The following XRCC4 variants were observed in gnomAD, a reference collection of about 807,000 sequenced individuals.
XRCC4 encodes X-ray repair cross complementing 4.
A neutral mutation model predicts 39.1 loss-of-function variants in XRCC4; 28 were observed. The ratio of observed to expected loss-of-function variants is 0.72; its 90% confidence interval spans 0.53 to 0.98. The LOEUF is 0.98. Among genes scored for constraint, XRCC4 ranks in the 50% least tolerant of loss-of-function variants. XRCC4 has a pLI of 0.00. For synonymous variants in XRCC4, 123 were observed against 126.4 expected (o/e 0.97, Z 0.18); for missense variants, 350 against 376.4 (o/e 0.93, Z 0.58).
intron 3 of XRCC4, among the ~76,000 whole-genome samples, chr5:83,112,185 T>A (rs1334083534): frequency 2.6e-5 from 4 of 152,184 alleles, no homozygotes; most frequent in African/African-American, 9.7e-5. Flanking sequence ...TAAGTTTCAA[T>A]ATGCTGAATT....
chr5:83,275,774 C>T (rs1754310223), intron 7 of XRCC4, among the ~76,000 whole-genome samples: 1 of 152,086 alleles, frequency 6.6e-6, no homozygotes, highest in African/African-American at 2.4e-5. Context: ...TTCTCTTCAG[C>T]AATGTGTGGA....
chr5:83,138,316 G>A (rs1024236649), intron 3 of XRCC4, among the ~76,000 whole-genome samples: 3 of 152,110 alleles, frequency 2.0e-5, no homozygotes, highest in Non-Finnish European at 2.9e-5. Context: ...TGTCAATCCA[G>A]TTTTTATAAC....
chr5:83,216,795 G>A (rs1366185759), intron 6 of XRCC4, among the ~76,000 whole-genome samples: 1 of 152,102 alleles, frequency 6.6e-6, no homozygotes, highest in African/African-American at 2.4e-5. Context: ...CCGATTAAAT[G>A]TTTGCTAAAG....
chr5:83,115,430 AAAACAAAC>A (rs145922134), intron 3 of XRCC4, among the ~76,000 whole-genome samples: 5 of 151,426 alleles, frequency 3.3e-5, no homozygotes, highest in African/African-American at 9.7e-5. Context: ...TCTGTCTCAA[AAAACAAAC>A]AAACAAACAA....
chr5:83,296,024 C>T (rs1053800818), intron 7 of XRCC4, among the ~76,000 whole-genome samples: 1 of 151,988 alleles, frequency 6.6e-6, no homozygotes, highest in African/African-American at 2.4e-5. Flanking sequence ...TGTTAATAGA[C>T]TGAAAATAGA....
chr5:83,077,580 C>T lies in XRCC4; in HGVS notation c.-46C>T, dbSNP rs28383113. 6.6e-4 allele frequency: 342 copies of T among 515,444 alleles called. No individual in the cohort carries two copies. Among genetic ancestry groups the T allele is most frequent in the African/African-American group, 4.5e-3 (236 of 52,518 alleles). The allele number at this position is 515,444 out of a possible 1,614,324, so 31.9% of individuals were successfully genotyped here. ...CAAAACCTTGATCTGTGAAAGCGGGCGTTTTGGAAGATACCGGAAGTAGAG... is the reference window on the plus strand; with the variant it reads ...CAAAACCTTGATCTGTGAAAGCGGGTGTTTTGGAAGATACCGGAAGTAGAG... On this transcript the variant is annotated 5_prime_UTR_variant, in exon 1 of 8. Coordinates refer to ENST00000396027, the MANE Select transcript of XRCC4 (RefSeq NM_003401.5).
At chr5:83,147,581 G>A (rs1467611467) in intron 3 of XRCC4, among the ~76,000 whole-genome samples, 1 of 151,974 alleles carries the variant, frequency 6.6e-6, no homozygotes, top group Non-Finnish European at 1.5e-5. Flanking sequence ...AAGAAATTTT[G>A]GTCAAAGGAT....
At chr5:83,225,465 A>G (rs1036309303) in intron 6 of XRCC4, among the ~76,000 whole-genome samples, 1 of 151,804 alleles carries the variant, frequency 6.6e-6, no homozygotes, top group Non-Finnish European at 1.5e-5. Context: ...TTATATGTCC[A>G]CCTGCTTGTT....
intron 3 of XRCC4, among the ~76,000 whole-genome samples, chr5:83,188,912 G>C (rs1750573345): frequency 6.6e-6 from 1 of 152,180 alleles, no homozygotes; most frequent in African/African-American, 2.4e-5. Context: ...CCTGTGATGA[G>C]ATCTGGAAGA....
intron 6 of XRCC4, among the ~76,000 whole-genome samples, chr5:83,244,790 T>C (rs1200645805): frequency 6.6e-6 from 1 of 152,148 alleles, no homozygotes; most frequent in Admixed American, 6.6e-5. Flanking sequence ...CTCTTGTATT[T>C]CTCTTCTTTC....
At chr5:83,169,348 A>G (rs963001785) in intron 3 of XRCC4, among the ~76,000 whole-genome samples, 5 of 152,142 alleles carry the variant, frequency 3.3e-5, no homozygotes, top group Non-Finnish European at 5.9e-5. Context: ...ACTCAATTTC[A>G]GATTTGATTT....
chr5:83,326,980 A>G (rs1434229707), intron 7 of XRCC4, among the ~76,000 whole-genome samples: 1 of 152,060 alleles, frequency 6.6e-6, no homozygotes, highest in Non-Finnish European at 1.5e-5. Context: ...TCAGAGATAA[A>G]AGCTCATCAT....
rs372812357 is a variant in XRCC4, at chr5:83,100,691, A to G, written c.-10-4219A>G. ...ATAGAGGCAAAAAATGCTATGCCAC[A>G]AGTAGTTCCTACACCCTCCCATGCA... On this transcript the variant is annotated intron_variant, in intron 1 of 7. Transcript: ENST00000396027. Among the ~76,000 whole-genome samples, 802 of 152,218 alleles carry G rather than the reference A, an allele frequency of 5.3e-3. 7 individuals carry two copies. The highest frequency in any genetic ancestry group is 0.019 in the African/African-American group (779 of 41,544).
intron 3 of XRCC4, among the ~76,000 whole-genome samples, chr5:83,132,437 G>A (rs1332897523): frequency 6.6e-6 from 1 of 152,074 alleles, no homozygotes; most frequent in Non-Finnish European, 1.5e-5. Flanking sequence ...TTCCTTGCTA[G>A]GTTGGGGAAG....
rs147608399 is a variant in XRCC4, at chr5:83,081,794, T to G, written c.-11+4179T>G. ...TTGCTCTTCTCTGCAACAAAAATCC[T>G]CTAAAGAGTTTTCTATGCTCCATGT... On this transcript the variant is annotated intron_variant, in intron 1 of 7. Coordinates refer to ENST00000396027, the MANE Select transcript of XRCC4 (RefSeq NM_003401.5). 4.8e-3 allele frequency among the ~76,000 whole-genome samples: 736 copies of G among 152,358 alleles called. 3 individuals carry two copies. Among genetic ancestry groups the G allele is most frequent in the Non-Finnish European group, 7.7e-3 (526 of 68,040 alleles).
At chr5:83,086,041 A>C (rs1372453303) in intron 1 of XRCC4, among the ~76,000 whole-genome samples, 1 of 152,246 alleles carries the variant, frequency 6.6e-6, no homozygotes, top group Non-Finnish European at 1.5e-5. Context: ...GTCCTAAAAC[A>C]ATCTTAAGAA....
intron 1 of XRCC4, among the ~76,000 whole-genome samples, chr5:83,100,665 TATAGAGGCAAAAA>T (rs2112354297): frequency 6.6e-6 from 1 of 152,230 alleles, no homozygotes; most frequent in Non-Finnish European, 1.5e-5. Flanking sequence ...ATGGAAATAC[TATAGAGGCAAAAA>T]ATGCTATGCC....
At chr5:83,132,036 GT>G (rs1709621915) in intron 3 of XRCC4, among the ~76,000 whole-genome samples, 1 of 152,086 alleles carries the variant, frequency 6.6e-6, no homozygotes, top group Non-Finnish European at 1.5e-5. Context: ...TCCTTTCCAC[GT>G]TTGGGGCTTC....
chr5:83,287,256 G>A (rs1754767608), intron 7 of XRCC4, among the ~76,000 whole-genome samples: 1 of 151,924 alleles, frequency 6.6e-6, no homozygotes, highest in African/African-American at 2.4e-5. Context: ...AACATTTCAG[G>A]GACAATATGA....
Sources: allele counts gnomAD v4.1 joint callset (sites outside exome capture counted in the v4.1 genomes callset), GRCh38; gene constraint gnomAD v4.1.1; transcripts MANE v1.5; gene names NCBI Gene and HGNC (gene_info 2026-07-23, HGNC 2026-07-21).